Variants in LIPA observed in about 807,000 individuals in gnomAD.
LIPA encodes the protein lysosomal acid lipase/cholesteryl ester hydrolase.
In LIPA, 26 loss-of-function variants were observed where a neutral mutation model predicts 40.6. The observed-to-expected ratio is 0.64, with a 90% CI of 0.47 to 0.89. The LOEUF is 0.89. Among genes scored for constraint, LIPA ranks in the 40% least tolerant of loss-of-function variants. The pLI, the probability that LIPA is intolerant of heterozygous loss-of-function variation, is 0.00. For synonymous variants in LIPA, 188 were observed against 168.4 expected (o/e 1.12, Z -0.90); for missense variants, 455 against 479.6 (o/e 0.95, Z 0.48).
intron 2 of LIPA, among the ~76,000 whole-genome samples, chr10:89,395,388 G>A (rs1844327401): frequency 6.6e-6 from 1 of 152,148 alleles, no homozygotes; most frequent in Admixed American, 6.5e-5. Flanking sequence ...TGTCCTCAAT[G>A]GCTCCCCCTT....
At chr10:89,256,646 C>T (rs1843182803), upstream of LIPA, among the ~76,000 whole-genome samples, 1 of 152,180 alleles carries the variant, frequency 6.6e-6, no homozygotes, top group Non-Finnish European at 1.5e-5. Flanking sequence ...AGCGTCTTCA[C>T]TTGTAAAATG....
At chr10:89,230,939 C>G (rs1334008691) in intron 3 of LIPA, among the ~76,000 whole-genome samples, 1 of 152,146 alleles carries the variant, frequency 6.6e-6, no homozygotes, top group African/African-American at 2.4e-5. Context: ...TCACAGTGAA[C>G]AAATGAGAGC....
Position 89,408,839 on chromosome 10 carries a change from AGAAT to A in LIPA, c.61+3948_61+3951del, listed in dbSNP as rs149476524. Among the ~76,000 whole-genome samples the A allele has an allele frequency of 9.4e-3, 1,431 of 152,328 alleles. 26 individuals are homozygous for A. Among genetic ancestry groups the A allele is most frequent in the African/African-American group, 0.033 (1,376 of 41,566 alleles). On this transcript the variant is annotated intron_variant, in intron 2 of 8. Coordinates refer to the LIPA transcript ENST00000371837. ...CTGGTATCTTAGTCAGATAAATGATAGAATGACAGCCCAAGAAAGGGACAAATTC... is the reference window on the plus strand; with the variant it reads ...CTGGTATCTTAGTCAGATAAATGATAGACAGCCCAAGAAAGGGACAAATTC...
At chr10:89,343,671 G>A (rs535891821), upstream of LIPA, among the ~76,000 whole-genome samples, 1 of 152,306 alleles carries the variant, frequency 6.6e-6, no homozygotes, top group East Asian at 1.9e-4. Context: ...CAGTGAAGAA[G>A]TATGAGAGCA....
At position 89,398,539 on chromosome 10, in the gene LIPA, C is replaced by T. The variant is rs543708078; in HGVS notation, c.61+14252G>A. Among the ~76,000 whole-genome samples, 11 of 152,210 alleles carry T rather than the reference C, an allele frequency of 7.2e-5. No homozygotes were observed. In the South Asian group the frequency reaches 1.7e-3, roughly 23 times the overall value. The stretch of plus-strand genomic sequence containing the variant: ...TCAGCCAGGGTCTGTGGGACAGACC[C>T]GGCACCCTAGTCCCTGTTAATCACT... On this transcript the variant is annotated intron_variant, in intron 2 of 8. Coordinates refer to the LIPA transcript ENST00000371837.
At chr10:89,223,156 T>C (rs902985772) in intron 7 of LIPA, among the ~76,000 whole-genome samples, 4 of 152,170 alleles carry the variant, frequency 2.6e-5, no homozygotes, top group Admixed American at 6.6e-5. Context: ...TAAATACTTA[T>C]AGTAATTTTT....
intron 1 of LIPA, among the ~76,000 whole-genome samples, chr10:89,309,647 C>T (rs561761635): frequency 8.5e-5 from 13 of 152,262 alleles, no homozygotes; most frequent in African/African-American, 3.1e-4. Flanking sequence ...CATGTCATGC[C>T]TCCAGTCCCT....
At chr10:89,228,118 T>C in intron 4 of LIPA, 82 bp downstream of exon 4, 1 of 1,183,766 alleles carries the variant, frequency 8.4e-7, no homozygotes, top group Non-Finnish European at 1.3e-6. Flanking sequence ...TTACCACCTA[T>C]CTACCTCTTC....
upstream of LIPA, among the ~76,000 whole-genome samples, chr10:89,254,813 C>A (rs1431870627): frequency 1.3e-5 from 2 of 152,194 alleles, no homozygotes; most frequent in Non-Finnish European, 2.9e-5. Context: ...TACCCTAAAG[C>A]ATCTCCCTCA....
rs536528350 is a variant in LIPA, at chr10:89,370,883, T to C, written c.61+41908A>G. On this transcript the variant is annotated intron_variant, in intron 2 of 8. Coordinates refer to the LIPA transcript ENST00000371837. ...AAGTACAAAAATTAGCTGGGCATGC[T>C]GGTGGGCACCTGTACTCCCAGCTAC... 2.9e-3 allele frequency among the ~76,000 whole-genome samples: 445 copies of C among 152,258 alleles called. 3 individuals carry two copies. Among genetic ancestry groups the C allele is most frequent in the African/African-American group, 0.01 (420 of 41,544 alleles).
intron 1 of LIPA, chr10:89,340,550 T>G (rs1354918007): frequency 1.0e-5 from 1 of 97,096 alleles, no homozygotes; most frequent in African/African-American, 4.5e-5. Context: ...AGAGCAAGAC[T>G]CCATCTCAAA....
At chr10:89,277,394 AG>A (rs1843293844) in intron 1 of LIPA, among the ~76,000 whole-genome samples, 2 of 152,276 alleles carry the variant, frequency 1.3e-5, no homozygotes, top group African/African-American at 4.8e-5. Context: ...ACATATTTTA[AG>A]TAAAACACCT....
At chr10:89,233,761 G>C (rs946017653) in intron 3 of LIPA, among the ~76,000 whole-genome samples, 3 of 152,188 alleles carry the variant, frequency 2.0e-5, no homozygotes, top group African/African-American at 7.2e-5. Flanking sequence ...AGTTACTCAG[G>C]AGGCTGAGGC....
At chr10:89,222,858 T>G (rs1289889982) in intron 7 of LIPA, among the ~76,000 whole-genome samples, 1 of 152,236 alleles carries the variant, frequency 6.6e-6, no homozygotes, top group Admixed American at 6.5e-5. Flanking sequence ...TCTTCATGCT[T>G]TCCTGAATTT....
chr10:89,219,195 A>G (rs975810414), intron 8 of LIPA, among the ~76,000 whole-genome samples: 2 of 152,200 alleles, frequency 1.3e-5, no homozygotes, highest in African/African-American at 4.8e-5. Flanking sequence ...GCACATCGTA[A>G]TCATCTAAGG....
At chr10:89,328,303 A>G (rs1297094863) in intron 1 of LIPA, among the ~76,000 whole-genome samples, 2 of 152,188 alleles carry the variant, frequency 1.3e-5, no homozygotes, top group Non-Finnish European at 2.9e-5. Flanking sequence ...ACGGAACTAC[A>G]TGGGGGGAGG....
intron 2 of LIPA, among the ~76,000 whole-genome samples, chr10:89,369,808 G>C (rs1844081631): frequency 6.6e-6 from 1 of 152,206 alleles, no homozygotes; most frequent in Non-Finnish European, 1.5e-5. Flanking sequence ...CAGTATATAT[G>C]GATGGAAGGA....
intron 1 of LIPA, chr10:89,309,006 T>G (rs1024229038): frequency 3.3e-5 from 5 of 152,234 alleles, no homozygotes; most frequent in African/African-American, 1.2e-4. Flanking sequence ...GTTACACAGG[T>G]GTGAACCAAA....
chr10:89,364,286 A>G (rs1213171365), intron 2 of LIPA, among the ~76,000 whole-genome samples: 1 of 152,154 alleles, frequency 6.6e-6, no homozygotes, highest in Non-Finnish European at 1.5e-5. Flanking sequence ...GACCAATCAG[A>G]CTTCTGAGAA....
Sources: gnomAD v4.1 joint callset for allele counts (sites outside exome capture counted in the v4.1 genomes callset) on GRCh38, gnomAD v4.1.1 for gene constraint, MANE v1.5 for transcripts, NCBI Gene and HGNC (gene_info 2026-07-23, HGNC 2026-07-21) for gene names.